HECTD4: variants seen among roughly 807,000 people sequenced by gnomAD.
HECTD4 encodes probable E3 ubiquitin-protein ligase HECTD4.
In HECTD4, 114 loss-of-function variants were observed where a neutral mutation model predicts 471.5. The observed-to-expected ratio is 0.24, with a 90% CI of 0.21 to 0.28. The LOEUF is 0.28. Ranked by LOEUF, HECTD4 falls within the 10% of genes least tolerant of loss-of-function variation. The probability of loss-of-function intolerance (pLI) is 1.00; values close to 1 mark genes in which losing one functional copy is unlikely to be tolerated. For synonymous variants in HECTD4, 2,012 were observed against 2,256.0 expected, an observed-to-expected ratio of 0.89 and a Z score of 3.07; for missense variants, 3,866 against 5,651.5, an observed-to-expected ratio of 0.68 and a Z score of 10.13.
chr12:112,166,828 A>AG lies in HECTD4; in HGVS notation c.12534+488dup. 6.5e-6 allele frequency: 1 copy of AG among 152,932 alleles called. No homozygotes were observed. The highest frequency in any genetic ancestry group is 1.5e-5 in the Non-Finnish European group (1 of 68,546). 9.5% of individuals were successfully genotyped at this position (152,932 alleles called of 1,614,324 possible). On this transcript the variant is annotated intron_variant, in intron 72 of 75. Transcript: ENST00000682272. This position sits in a 1 kb window ranked among gnomAD's most constrained non-coding sequence, Gnocchi z 4.6. ...AGGACTGTGGACTCCATCTCCCTCC[A>AG]GGGGGGCACTGGGCAACAGCACCAT...
intron 35 of HECTD4, 73 bp downstream of exon 35, chr12:112,236,872 C>G: frequency 7.3e-7 from 1 of 1,363,740 alleles, no homozygotes; most frequent in South Asian, 1.9e-5. Context: ...AAGACAACCA[C>G]CACCAAAAGA....
chr12:112,280,605 G>A (rs1407253484), intron 8 of HECTD4, among the ~76,000 whole-genome samples: 7 of 151,336 alleles, frequency 4.6e-5, no homozygotes, highest in Admixed American at 4.6e-4. Flanking sequence ...CCCCCACCAA[G>A]TATATTCTTC....
chr12:112,346,438 C>T (rs770493316), intron 1 of HECTD4, among the ~76,000 whole-genome samples: 1 of 152,156 alleles, frequency 6.6e-6, no homozygotes, highest in Admixed American at 6.6e-5. Context: ...TTACCAGGTG[C>T]AGCTTGAGAA....
chr12:112,195,365 A>G (rs1256118773), intron 55 of HECTD4, among the ~76,000 whole-genome samples: 1 of 152,258 alleles, frequency 6.6e-6, no homozygotes, highest in African/African-American at 2.4e-5. Flanking sequence ...CCAAATAGTG[A>G]TAAGAACTCA....
chr12:112,209,198 C>T (rs563646840), intron 50 of HECTD4, among the ~76,000 whole-genome samples: 1 of 152,148 alleles, frequency 6.6e-6, no homozygotes, highest in Admixed American at 6.6e-5. Flanking sequence ...CAGTGTCTGG[C>T]CCTAAACAGA....
chr12:112,201,197 G>C (rs1364359365), intron 54 of HECTD4: 2 of 396,550 alleles, frequency 5.0e-6, no homozygotes, highest in Non-Finnish European at 1.0e-5. Context: ...AGGTTCAAGA[G>C]ATTCTCCTGT....
rs888364498 is a variant in HECTD4 at position 112,235,642 on chromosome 12, C to T, written c.5587G>A (p.Glu1863Lys). Residue 1863 changes from glutamate (E) to lysine (K), a missense_variant, in exon 36 of 76, where the codon GAA (glutamate) becomes AAA (lysine). This residue lies in a region of HECTD4 where 617 missense variants were observed against 915.1 expected (regional missense o/e 0.67). Coordinates refer to ENST00000682272, the MANE Select transcript of HECTD4 (RefSeq NM_001388303.1). This position sits in a 1 kb window ranked among gnomAD's most constrained non-coding sequence, Gnocchi z 5.0. ...CRAALPLMSV[E>K]DCGNVELPPW... ...GGGAGCTCCACGTTTCCACAGTCTT[C>T]TACGCTCATCAGGGGCAGCGCCGCC... 1.2e-6 allele frequency: 2 copies of T among 1,613,916 alleles called. No homozygotes were observed. The highest frequency in any genetic ancestry group is 1.7e-6 in the Non-Finnish European group (2 of 1,179,910).
chr12:112,268,493 C>G (rs2034330772), intron 13 of HECTD4, among the ~76,000 whole-genome samples: 1 of 152,168 alleles, frequency 6.6e-6, no homozygotes, highest in African/African-American at 2.4e-5. Flanking sequence ...TGGTGGCTCA[C>G]ACCTGTAATC....
Position 112,270,217 on chromosome 12 carries a change from G to C in HECTD4, c.2175+10C>G. 1 of 1,598,430 alleles carries C rather than the reference G, an allele frequency of 6.3e-7. No homozygotes were observed. The highest frequency in any genetic ancestry group is 8.6e-7 in the Non-Finnish European group (1 of 1,165,954). ...CTATCATCTTATTTATTTCAAAACAGTGTATTTACCTGAAAGACAACGAGA... is the reference window on the plus strand; with the variant it reads ...CTATCATCTTATTTATTTCAAAACACTGTATTTACCTGAAAGACAACGAGA... On this transcript the variant is annotated intron_variant, in intron 12 of 75. Transcript: ENST00000682272.
intron 11 of HECTD4, 91 bp downstream of exon 11, chr12:112,273,564 G>C: frequency 8.4e-7 from 1 of 1,187,856 alleles, no homozygotes; most frequent in South Asian, 1.4e-5. Flanking sequence ...CACATTCTGG[G>C]GTTGGGCTAT....
intron 1 of HECTD4, among the ~76,000 whole-genome samples, chr12:112,328,650 C>T (rs78381945): frequency 1.0e-3 from 154 of 152,288 alleles, no homozygotes; most frequent in African/African-American, 3.5e-3. Flanking sequence ...GTGGAATTCT[C>T]TCTTACTAAA....
intron 52 of HECTD4, among the ~76,000 whole-genome samples, chr12:112,205,294 C>A (rs765602063): frequency 7.2e-4 from 110 of 151,894 alleles, no homozygotes; most frequent in Non-Finnish European, 1.3e-3. Flanking sequence ...ATTAGCTGGG[C>A]ATGGTAGCAG....
chr12:112,185,021 G>T lies in HECTD4; in HGVS notation c.9945C>A (p.Val3315=), dbSNP rs2031809795. Residue 3315 remains valine, a synonymous_variant, in exon 61 of 76, where the codon GTC becomes GTA. Coordinates refer to ENST00000682272, the MANE Select transcript of HECTD4 (RefSeq NM_001388303.1). ...AGGAGGCCTTTTCCCGCTTCATCTTGACTTTTTTCCTCTTGGAGAGGAGGC... is the reference window on the plus strand; with the variant it reads ...AGGAGGCCTTTTCCCGCTTCATCTTTACTTTTTTCCTCTTGGAGAGGAGGC... ...SPSLLSKRKK[V]KMKREKASSS... is the part of the protein sequence containing the mutation. 1 of 1,603,912 alleles carries T rather than the reference G, an allele frequency of 6.2e-7. No homozygotes were observed. The highest frequency in any genetic ancestry group is 8.5e-7 in the Non-Finnish European group (1 of 1,175,274).
At chr12:112,209,125 C>CTCCTGGGCTCAAGCTA (rs1283762862) in intron 50 of HECTD4, among the ~76,000 whole-genome samples, 6 of 151,890 alleles carry the variant, frequency 4.0e-5, no homozygotes, top group Admixed American at 2.6e-4. Context: ...TGGTCTCAAA[C>CTCCTGGGCTCAAGCTA]TCCTGGGCTC....
chr12:112,212,332 C>T lies in HECTD4; in HGVS notation c.7629+155G>A, dbSNP rs138662874. Among the ~76,000 whole-genome samples the T allele has an allele frequency of 4.6e-3, 708 of 152,322 alleles. 10 individuals carry two copies. The highest frequency in any genetic ancestry group is 0.016 in the African/African-American group (653 of 41,548). ...ACTGTGGGGTCAACACAAAGGAAGA[C>T]ACACACTTGCTCAAGCTGGCTCTGC... On this transcript the variant is annotated intron_variant, in intron 49 of 75. Coordinates refer to ENST00000682272, the MANE Select transcript of HECTD4 (RefSeq NM_001388303.1).
rs529916370 is a variant in HECTD4, at chr12:112,213,502, C to T, written c.7466-852G>A. On this transcript the variant is annotated intron_variant, in intron 48 of 75. Coordinates refer to ENST00000682272, the MANE Select transcript of HECTD4 (RefSeq NM_001388303.1). This position sits in a 1 kb window ranked among gnomAD's most constrained non-coding sequence, Gnocchi z 4.0. ...GAGATCGAGTCCATCCTGGCTAACACGGTGAAACCCTGTCTCTACTAAAAA... is the reference window on the plus strand; with the variant it reads ...GAGATCGAGTCCATCCTGGCTAACATGGTGAAACCCTGTCTCTACTAAAAA... Among the ~76,000 whole-genome samples, 25 of 151,152 alleles carry T rather than the reference C, an allele frequency of 1.7e-4. No homozygotes were observed. The South Asian group carries it at 2.3e-3, about 14-fold the overall frequency.
At chr12:112,265,324 A>AT in intron 15 of HECTD4, 29 bp from the exon 16 acceptor site, 1 of 1,408,810 alleles carries the variant, frequency 7.1e-7, no homozygotes, top group South Asian at 1.3e-5. Context: ...ATGTAACAAT[A>AT]AAATATTGAT....
chr12:112,237,253 A>G (rs2033532460), intron 34 of HECTD4, among the ~76,000 whole-genome samples, 155 bp from the exon 35 acceptor site: 1 of 152,266 alleles, frequency 6.6e-6, no homozygotes, highest in Admixed American at 6.5e-5. Flanking sequence ...ACACATAAAA[A>G]GGATAATAGT....
intron 6 of HECTD4, 60 bp downstream of exon 6, chr12:112,308,693 T>C (rs1250498034): frequency 3.5e-6 from 5 of 1,412,344 alleles, no homozygotes; most frequent in African/African-American, 1.4e-5. Flanking sequence ...TCTGATGATA[T>C]AGGAACTTTC....
Sources: allele counts gnomAD v4.1 joint callset (sites outside exome capture counted in the v4.1 genomes callset), GRCh38; gene constraint gnomAD v4.1.1; regional missense constraint gnomAD v4.1.1; non-coding constraint Gnocchi (gnomAD v3.1); transcripts MANE v1.5; gene names NCBI Gene and HGNC (gene_info 2026-07-23, HGNC 2026-07-21).